The following COL23A1 variants were observed in gnomAD, a reference collection of about 807,000 sequenced individuals.
COL23A1 encodes the protein collagen type XXIII alpha 1 chain.
Under a neutral mutation model 99.3 loss-of-function variants are expected in COL23A1, and 97 were observed. That is an observed-to-expected ratio of 0.98 (90% CI 0.83 to 1.16). The LOEUF (loss-of-function observed/expected upper bound fraction) is 1.16, where lower values mean the gene tolerates loss of function less well. Ranked by LOEUF, COL23A1 falls within the 50% of genes most tolerant of loss-of-function variation. The probability of loss-of-function intolerance (pLI) is 0.00; values close to 1 mark genes in which losing one functional copy is unlikely to be tolerated. For synonymous variants in COL23A1, 320 were observed against 308.2 expected (o/e 1.04, Z -0.40); for missense variants, 762 against 757.4 (o/e 1.01, Z -0.07).
intron 18 of COL23A1, 75 bp downstream of exon 18, chr5:178,249,986 C>T (rs1764943249): frequency 7.6e-6 from 2 of 263,490 alleles, no homozygotes; most frequent in Admixed American, 7.4e-5. Context: ...CATGCACACG[C>T]ACACACACAC....
At chr5:178,328,790 C>T (rs1402760530) in intron 2 of COL23A1, among the ~76,000 whole-genome samples, 2 of 152,120 alleles carry the variant, frequency 1.3e-5, no homozygotes, top group East Asian at 1.9e-4. Context: ...ATAGAGGTAA[C>T]GCAAGGGGTC....
chr5:178,252,567 G>T lies in COL23A1; in HGVS notation c.991C>A (p.Pro331Thr). The change falls in exon 17 of 29, where the codon CCA (proline) becomes ACA (threonine). Residue 331 changes from proline to threonine, a missense_variant. Transcript: ENST00000390654. ...GPPGPQGPPG[P>T]PGIPGAKGEL... ...ACCTTGGCTCCAGGGATCCCTGGTGGCCCTGGGGGCCCCTGTGGTCCGGGA... is the reference window on the plus strand; with the variant it reads ...ACCTTGGCTCCAGGGATCCCTGGTGTCCCTGGGGGCCCCTGTGGTCCGGGA... The T allele has an allele frequency of 6.2e-7, 1 of 1,611,920 alleles. No homozygotes were observed. Among genetic ancestry groups the T allele is most frequent in the African/African-American group, 1.3e-5 (1 of 75,018 alleles).
chr5:178,354,141 T>C (rs75150025), intron 2 of COL23A1, among the ~76,000 whole-genome samples: 1 of 143,470 alleles, frequency 7.0e-6, no homozygotes, highest in Non-Finnish European at 1.5e-5. Flanking sequence ...CATTTGAATC[T>C]TTTTTTTTTC....
At chr5:178,586,455 T>G (rs1451216087) in intron 1 of COL23A1, among the ~76,000 whole-genome samples, 1 of 152,040 alleles carries the variant, frequency 6.6e-6, no homozygotes, top group Non-Finnish European at 1.5e-5. Flanking sequence ...GCTTACAGAT[T>G]CCCCAACCTC....
chr5:178,457,406 G>T (rs544306767), intron 2 of COL23A1, among the ~76,000 whole-genome samples: 2 of 152,024 alleles, frequency 1.3e-5, no homozygotes, highest in Non-Finnish European at 1.5e-5. Flanking sequence ...GTAGAGACGG[G>T]GTTTTGCCAT....
At chr5:178,247,899 A>G in intron 20 of COL23A1, 68 bp from the exon 21 acceptor site, 1 of 1,361,270 alleles carries the variant, frequency 7.3e-7, no homozygotes, top group African/African-American at 1.4e-5. Flanking sequence ...ACCCGAGCTC[A>G]TCGCACACTG....
At chr5:178,270,194 C>T in intron 6 of COL23A1, 143 bp downstream of exon 6, 2 of 934,058 alleles carry the variant, frequency 2.1e-6, no homozygotes, top group Non-Finnish European at 3.3e-6. Flanking sequence ...TAGATTTGAA[C>T]TCAAGTCTGA....
intron 1 of COL23A1, among the ~76,000 whole-genome samples, chr5:178,571,286 CG>C (rs1178447503): frequency 6.6e-6 from 1 of 151,962 alleles, no homozygotes; most frequent in African/African-American, 2.4e-5. Context: ...CGCTTGAACC[CG>C]GGAGACAGAG....
At chr5:178,405,092 T>C (rs528222094) in intron 2 of COL23A1, among the ~76,000 whole-genome samples, 1 of 152,328 alleles carries the variant, frequency 6.6e-6, no homozygotes, top group South Asian at 2.1e-4. Context: ...GGAGCCCATC[T>C]CTACCTCCCG....
intron 2 of COL23A1, among the ~76,000 whole-genome samples, chr5:178,411,711 T>C (rs1039659862): frequency 6.6e-6 from 1 of 152,090 alleles, no homozygotes; most frequent in African/African-American, 2.4e-5. Flanking sequence ...TGGATAAAGG[T>C]GGTGGTTGCA....
At chr5:178,542,726 G>T (rs1033569477) in intron 2 of COL23A1, among the ~76,000 whole-genome samples, 1 of 152,142 alleles carries the variant, frequency 6.6e-6, no homozygotes, top group Non-Finnish European at 1.5e-5. Flanking sequence ...GGAGCTCTGG[G>T]GAGAGTTCCC....
chr5:178,363,659 G>A (rs1260238250), intron 2 of COL23A1, among the ~76,000 whole-genome samples: 5 of 152,262 alleles, frequency 3.3e-5, no homozygotes, highest in African/African-American at 9.6e-5. Context: ...GGAGCGCCCC[G>A]TCACTCGGCC....
intron 2 of COL23A1, among the ~76,000 whole-genome samples, chr5:178,471,892 C>G (rs940369649): frequency 6.6e-6 from 1 of 152,172 alleles, no homozygotes; most frequent in South Asian, 2.1e-4. Flanking sequence ...TGACTGACTC[C>G]GGTGCTTCCC....
intron 2 of COL23A1, among the ~76,000 whole-genome samples, chr5:178,317,240 TC>T (rs1361494401): frequency 1.3e-5 from 2 of 152,222 alleles, no homozygotes; most frequent in Non-Finnish European, 2.9e-5. Context: ...ATCCCACCTT[TC>T]TAAGCCCTTC....
At chr5:178,401,814 C>T (rs1160441079) in intron 2 of COL23A1, among the ~76,000 whole-genome samples, 1 of 152,098 alleles carries the variant, frequency 6.6e-6, no homozygotes, top group Non-Finnish European at 1.5e-5. Context: ...TGCTAATTGC[C>T]TTTGTCTTTT....
At chr5:178,532,618 C>G (rs1024144302) in intron 2 of COL23A1, among the ~76,000 whole-genome samples, 2 of 152,194 alleles carry the variant, frequency 1.3e-5, no homozygotes, top group Non-Finnish European at 2.9e-5. Flanking sequence ...TTTCCAAGGA[C>G]ACATGCAAGT....
chr5:178,391,923 T>G (rs930712654), intron 2 of COL23A1, among the ~76,000 whole-genome samples: 15 of 152,086 alleles, frequency 9.9e-5, no homozygotes, highest in African/African-American at 3.6e-4. Context: ...GACACCGGGA[T>G]GAACATGCAG....
chr5:178,420,503 C>A (rs1285288937), intron 2 of COL23A1, among the ~76,000 whole-genome samples: 1 of 73,502 alleles, frequency 1.4e-5, no homozygotes, highest in Non-Finnish European at 2.9e-5. Flanking sequence ...TCCCCTCCCC[C>A]CTTTTTCCTC....
At chr5:178,362,453 C>T (rs1762223154) in intron 2 of COL23A1, among the ~76,000 whole-genome samples, 2 of 151,152 alleles carry the variant, frequency 1.3e-5, no homozygotes, top group Non-Finnish European at 3.0e-5. Context: ...GCCTGCCAAG[C>T]AGCCACTCTC....
Sources: allele counts gnomAD v4.1 joint callset (sites outside exome capture counted in the v4.1 genomes callset), GRCh38; gene constraint gnomAD v4.1.1; transcripts MANE v1.5; gene names NCBI Gene and HGNC (gene_info 2026-07-23, HGNC 2026-07-21).